Variants in PJA2 observed in about 807,000 individuals in gnomAD.
The protein encoded by PJA2 is praja ring finger ubiquitin ligase 2, also known as E3 ubiquitin-protein ligase Praja-2.
A neutral mutation model predicts 69.3 loss-of-function variants in PJA2; 25 were observed. The ratio of observed to expected loss-of-function variants is 0.36; its 90% CI spans 0.26 to 0.50. The LOEUF is 0.50. Ranked by LOEUF, PJA2 falls within the 20% of genes least tolerant of loss-of-function variation. The pLI is 0.96. For synonymous variants in PJA2, 308 were observed against 277.8 expected, an observed-to-expected ratio of 1.11 and a Z score of -1.08; for missense variants, 809 against 830.2, an observed-to-expected ratio of 0.97 and a Z score of 0.31.
At chr5:109,406,941 G>A (rs1461136129) in intron 1 of PJA2, among the ~76,000 whole-genome samples, 1 of 152,140 alleles carries the variant, frequency 6.6e-6, no homozygotes, top group African/African-American at 2.4e-5. Flanking sequence ...AAAAGAGTAT[G>A]TATTACATCA....
At chr5:109,388,849 T>A (rs1208002093) in intron 1 of PJA2, among the ~76,000 whole-genome samples, 2 of 152,186 alleles carry the variant, frequency 1.3e-5, no homozygotes, top group African/African-American at 4.8e-5. Context: ...TATAATTAAC[T>A]TACCCTGCAT....
chr5:109,362,437 G>A (rs1262768182), intron 6 of PJA2, among the ~76,000 whole-genome samples: 1 of 152,150 alleles, frequency 6.6e-6, no homozygotes, highest in Non-Finnish European at 1.5e-5. Context: ...AGGAAGAATA[G>A]GGAAGGAGAA....
chr5:109,375,080 T>C (rs1582610258), intron 4 of PJA2, among the ~76,000 whole-genome samples: 1 of 152,120 alleles, frequency 6.6e-6, no homozygotes, highest in South Asian at 2.1e-4. Context: ...TCCCACAGAG[T>C]GTAACATTTC....
At chr5:109,365,326 GAAT>G (rs1449300380) in intron 5 of PJA2, among the ~76,000 whole-genome samples, 4 of 152,060 alleles carry the variant, frequency 2.6e-5, no homozygotes, top group African/African-American at 2.4e-5. Flanking sequence ...GACTTAAAAT[GAAT>G]AAAGGAAATC....
chr5:109,399,983 C>T (rs181826575), intron 1 of PJA2, among the ~76,000 whole-genome samples: 196 of 152,110 alleles, frequency 1.3e-3, no homozygotes, highest in African/African-American at 4.3e-3. Context: ...GGGGAGGAAG[C>T]TTTTAGTGAG....
intron 4 of PJA2, among the ~76,000 whole-genome samples, chr5:109,377,503 CTTA>C (rs1746919538): frequency 6.6e-6 from 1 of 152,036 alleles, no homozygotes. Context: ...AATCAGAATG[CTTA>C]TTATAAGTTT....
intron 4 of PJA2, among the ~76,000 whole-genome samples, chr5:109,372,868 G>A (rs192022574): frequency 1.6e-4 from 20 of 124,528 alleles, no homozygotes; most frequent in Admixed American, 1.1e-3. Context: ...TGGTACCATT[G>A]CACTCCAGCC....
intron 1 of PJA2, among the ~76,000 whole-genome samples, chr5:109,401,221 T>C (rs932867070): frequency 2.0e-5 from 3 of 150,308 alleles, no homozygotes; most frequent in Admixed American, 6.6e-5. Context: ...GAGGTAGAGG[T>C]TGCAGTGAGC....
chr5:109,368,677 T>A lies in PJA2; in HGVS notation c.1353A>T (p.Gln451His). ...PHRFSGTEKD[Q>H]SSSDESWETL... Reference sequence around the variant, plus strand: ...TCTCCCAGCTTTCATCACTTGAGGATTGATCTTTTTCTGTACCAGAAAATC... The same window carrying A: ...TCTCCCAGCTTTCATCACTTGAGGAATGATCTTTTTCTGTACCAGAAAATC... Residue 451 changes from glutamine to histidine, a missense_variant, in exon 5 of 10, where the codon CAA becomes CAT. Physicochemically the swap from Gln to His is conservative, Grantham distance 24 (BLOSUM62 0). Coordinates refer to ENST00000361189, the MANE Select transcript of PJA2 (RefSeq NM_014819.5). 6.2e-7 allele frequency: 1 copy of A among 1,614,194 alleles called. No homozygotes were observed. The highest frequency in any genetic ancestry group is 2.2e-5 in the East Asian group (1 of 44,874).
intron 9 of PJA2, among the ~76,000 whole-genome samples, chr5:109,340,649 C>CT (rs1561338726): frequency 0.14 from 427 of 3,102 alleles, 143 homozygotes; most frequent in Non-Finnish European, 0.26. Flanking sequence ...TCCCCCTCCC[C>CT]CTCCCCCTCC....
intron 9 of PJA2, among the ~76,000 whole-genome samples, chr5:109,342,205 G>A (rs1762081053): frequency 1.8e-5 from 1 of 56,096 alleles, no homozygotes. Context: ...GTGGGGGGGG[G>A]TCAGCCCCCC....
intron 5 of PJA2, 134 bp from the exon 6 acceptor site, chr5:109,363,156 G>T: frequency 1.4e-6 from 1 of 701,292 alleles, no homozygotes; most frequent in Non-Finnish European, 2.1e-6. Context: ...CTAAAAAACT[G>T]TCTTCCTTAA....
chr5:109,372,497 C>A (rs1176979060), intron 4 of PJA2, among the ~76,000 whole-genome samples: 3 of 152,196 alleles, frequency 2.0e-5, no homozygotes, highest in Non-Finnish European at 2.9e-5. Context: ...CTCACTACAA[C>A]ACAGCTGCTT....
intron 1 of PJA2, among the ~76,000 whole-genome samples, chr5:109,384,939 T>C (rs967962920): frequency 6.6e-6 from 1 of 152,130 alleles, no homozygotes; most frequent in African/African-American, 2.4e-5. Flanking sequence ...TGCCTCAGCC[T>C]CCCAGTAGCT....
intron 1 of PJA2, among the ~76,000 whole-genome samples, chr5:109,407,512 T>G (rs1452756141): frequency 6.6e-6 from 1 of 152,196 alleles, no homozygotes; most frequent in African/African-American, 2.4e-5. Context: ...TGTTGTTAGC[T>G]ATCAGTGCTA....
intron 7 of PJA2, among the ~76,000 whole-genome samples, chr5:109,354,439 G>A (rs62643174): frequency 0.73 from 58,998 of 80,970 alleles, 23,343 homozygotes; most frequent in African/African-American, 0.85. Flanking sequence ...ATCTAGAGAT[G>A]TCTATAGATT....
chr5:109,343,290 AAAGAAAG>A lies in PJA2; in HGVS notation c.2001+893_2001+899del, dbSNP rs1284268357. On this transcript the variant is annotated intron_variant, in intron 9 of 9. Transcript: ENST00000361189. Reference sequence around the variant, plus strand: ...GGGCGGTGCAAAAAAAAAAAAAAAAAAAGAAAGAAAGAAAGAAAGAAAAAAAGAAAAT... The same window carrying A: ...GGGCGGTGCAAAAAAAAAAAAAAAAAAAAGAAAGAAAGAAAAAAAGAAAAT... Among the ~76,000 whole-genome samples, 192 of 33,926 alleles carry A rather than the reference AAAGAAAG, an allele frequency of 5.7e-3. 5 individuals carry two copies. Among genetic ancestry groups the A allele is most frequent in the Non-Finnish European group, 8.9e-3 (111 of 12,532 alleles). 22.3% of individuals were successfully genotyped at this position (33,926 alleles called of 152,430 possible). A position where few individuals can be genotyped will look rare whatever the true frequency, so the allele number is the denominator to read the frequency against.
chr5:109,356,203 G>C (rs1008357075), intron 6 of PJA2, among the ~76,000 whole-genome samples, 177 bp from the exon 7 acceptor site: 6 of 152,144 alleles, frequency 3.9e-5, no homozygotes, highest in Non-Finnish European at 7.4e-5. Context: ...CAACAGAAAA[G>C]TGAGGTGCTA....
intron 1 of PJA2, among the ~76,000 whole-genome samples, chr5:109,402,412 T>C (rs1272245396): frequency 6.6e-6 from 1 of 152,116 alleles, no homozygotes; most frequent in African/African-American, 2.4e-5. Flanking sequence ...AAGTAGACTT[T>C]GGAATGAGGA....
Sources: allele counts gnomAD v4.1 joint callset (sites outside exome capture counted in the v4.1 genomes callset), GRCh38; gene constraint gnomAD v4.1.1; transcripts MANE v1.5; gene names NCBI Gene and HGNC (gene_info 2026-07-23, HGNC 2026-07-21).